Variants in SNAP91 observed in about 807,000 individuals in gnomAD.
The protein encoded by SNAP91 is clathrin coat assembly protein AP180.
SNAP91 carries 27 observed loss-of-function variants against 100.3 expected under a neutral mutation model. That is an observed-to-expected ratio of 0.27 (90% CI 0.20 to 0.37). The LOEUF (loss-of-function observed/expected upper bound fraction) is 0.37, where lower values mean the gene tolerates loss of function less well. Among genes scored for constraint, SNAP91 ranks in the 10% least tolerant of loss-of-function variants. The probability of loss-of-function intolerance (pLI) is 1.00; values close to 1 mark genes in which losing one functional copy is unlikely to be tolerated. For synonymous variants in SNAP91, 404 were observed against 398.6 expected, an observed-to-expected ratio of 1.01 and a Z score of -0.16; for missense variants, 986 against 1,123.7, an observed-to-expected ratio of 0.88 and a Z score of 1.75.
chr6:83,679,420 C>T (rs2128898117), intron 2 of SNAP91, among the ~76,000 whole-genome samples: 1 of 152,298 alleles, frequency 6.6e-6, no homozygotes, highest in African/African-American at 2.4e-5. Context: ...GCTGAGACTA[C>T]ATTTGCTGAT....
At position 83,605,823 on chromosome 6, in the gene SNAP91, T is replaced by A; in HGVS notation, c.1023-20A>T. 2.6e-6 allele frequency: 4 copies of A among 1,510,016 alleles called. No homozygotes were observed. In the South Asian group the frequency reaches 3.8e-5, roughly 14 times the overall value. The allele number at this position is 1,510,016 out of a possible 1,614,324, so 93.5% of individuals were successfully genotyped here. A position where few individuals can be genotyped will look rare whatever the true frequency, so the allele number is the denominator to read the frequency against. On this transcript the variant is annotated intron_variant, in intron 13 of 29. Coordinates refer to ENST00000369694, the MANE Select transcript of SNAP91 (RefSeq NM_001242792.2). Reference sequence around the variant, plus strand: ...GAAGTGCTGAAAGGAAAATAAAACATTAAAATCAGATTTTGAAATTTTATA... The same window carrying A: ...GAAGTGCTGAAAGGAAAATAAAACAATAAAATCAGATTTTGAAATTTTATA...
At chr6:83,635,193 G>GT (rs1396465340) in intron 8 of SNAP91, among the ~76,000 whole-genome samples, 2 of 152,242 alleles carry the variant, frequency 1.3e-5, no homozygotes, top group East Asian at 3.9e-4. Flanking sequence ...TAATTTCTTT[G>GT]TTAGTTTTCT....
At chr6:83,617,283 A>G (rs1002409887) in intron 9 of SNAP91, among the ~76,000 whole-genome samples, 36 of 152,100 alleles carry the variant, frequency 2.4e-4, no homozygotes, top group African/African-American at 8.0e-4. Context: ...TTCAGTGTAG[A>G]GATTACATTG....
At chr6:83,588,920 G>A (rs1253496128) in intron 22 of SNAP91, among the ~76,000 whole-genome samples, 1 of 152,162 alleles carries the variant, frequency 6.6e-6, no homozygotes, top group Non-Finnish European at 1.5e-5. Flanking sequence ...CTACTGTCTG[G>A]TAGGCTTCAA....
intron 16 of SNAP91, among the ~76,000 whole-genome samples, chr6:83,599,992 C>T (rs534148676): frequency 2.0e-5 from 3 of 152,046 alleles, no homozygotes; most frequent in Admixed American, 6.5e-5. Flanking sequence ...ACTATATTGC[C>T]CAGGCTGGTC....
At chr6:83,637,908 G>T in intron 8 of SNAP91, among the ~76,000 whole-genome samples, 1 of 152,188 alleles carries the variant, frequency 6.6e-6, no homozygotes, top group African/African-American at 2.4e-5. Flanking sequence ...TGGCCCCTCG[G>T]GGTTAAGCAC....
chr6:83,693,876 T>C (rs1025294119), intron 2 of SNAP91, among the ~76,000 whole-genome samples: 13 of 152,192 alleles, frequency 8.5e-5, no homozygotes, highest in African/African-American at 2.9e-4. Context: ...GTATCCAGCA[T>C]GGATAAATTG....
chr6:83,652,232 T>A (rs1241469291), intron 7 of SNAP91, among the ~76,000 whole-genome samples: 2 of 152,294 alleles, frequency 1.3e-5, no homozygotes, highest in East Asian at 3.9e-4. Flanking sequence ...GTATCTACCA[T>A]ATTTGTTACT....
chr6:83,610,367 C>G (rs2095925170), intron 12 of SNAP91, among the ~76,000 whole-genome samples: 1 of 151,686 alleles, frequency 6.6e-6, no homozygotes, highest in Non-Finnish European at 1.5e-5. Flanking sequence ...AAGACAGATT[C>G]TATATGCGCT....
intron 2 of SNAP91, among the ~76,000 whole-genome samples, chr6:83,705,962 T>A (rs1279053044): frequency 1.3e-5 from 2 of 152,256 alleles, no homozygotes; most frequent in African/African-American, 4.8e-5. Flanking sequence ...TCAACACCAG[T>A]TCCTATTTCA....
intron 16 of SNAP91, among the ~76,000 whole-genome samples, chr6:83,595,377 T>G (rs2094342534): frequency 6.6e-6 from 1 of 152,220 alleles, no homozygotes; most frequent in African/African-American, 2.4e-5. Flanking sequence ...TATAAGTGTA[T>G]TATTATTTAT....
chr6:83,590,315 T>C (rs2093549790), intron 22 of SNAP91, among the ~76,000 whole-genome samples: 1 of 152,334 alleles, frequency 6.6e-6, no homozygotes, highest in South Asian at 2.1e-4. Flanking sequence ...CTTATGAAAA[T>C]AATAATTTCT....
chr6:83,597,169 C>A lies in SNAP91; in HGVS notation c.1325-2688G>T, dbSNP rs547076110. On this transcript the variant is annotated intron_variant, in intron 16 of 29. Coordinates refer to ENST00000369694, the MANE Select transcript of SNAP91 (RefSeq NM_001242792.2). Reference sequence around the variant, plus strand: ...GAAATTTTCTTAAAGGTAGGAGCTGCAGCTGCTCCCACCCCCAGCTGTTTG... The same window carrying A: ...GAAATTTTCTTAAAGGTAGGAGCTGAAGCTGCTCCCACCCCCAGCTGTTTG... 3.3e-5 allele frequency among the ~76,000 whole-genome samples: 5 copies of A among 152,246 alleles called. No individual in the cohort carries two copies. The East Asian group carries it at 9.7e-4, about 29-fold the overall frequency.
rs1385721548 is a variant in SNAP91 at position 83,656,845 on chromosome 6, T to A, written c.567A>T (p.Thr189=). The change falls in exon 7 of 30, where the codon ACA becomes ACT. Residue 189 remains threonine, a synonymous_variant. Coordinates refer to ENST00000369694, the MANE Select transcript of SNAP91 (RefSeq NM_001242792.2). ...TAAATGCTGCATTTATGACACCATT[T>A]GTTAGTTCATTTGGATGCACCTAGA... ...LEFDVHPNEL[T]NGVINAAFML... 19 of 1,594,556 alleles carry A rather than the reference T, an allele frequency of 1.2e-5. No individual in the cohort carries two copies. Among genetic ancestry groups the A allele is most frequent in the Non-Finnish European group, 1.5e-5 (18 of 1,169,108 alleles).
At chr6:83,705,615 G>A (rs1330271235) in intron 2 of SNAP91, among the ~76,000 whole-genome samples, 1 of 152,012 alleles carries the variant, frequency 6.6e-6, no homozygotes, top group African/African-American at 2.4e-5. Flanking sequence ...GACCAGCCTG[G>A]CCAACATGAA....
intron 8 of SNAP91, among the ~76,000 whole-genome samples, chr6:83,630,508 TAC>T (rs2097162837): frequency 6.6e-6 from 1 of 152,090 alleles, no homozygotes; most frequent in African/African-American, 2.4e-5. Flanking sequence ...ATTTAAAAAT[TAC>T]CATTTCAATC....
At chr6:83,625,186 C>A (rs1404197643) in intron 8 of SNAP91, among the ~76,000 whole-genome samples, 3 of 152,124 alleles carry the variant, frequency 2.0e-5, no homozygotes, top group Non-Finnish European at 4.4e-5. Flanking sequence ...TAATGGCCCC[C>A]AGCTACATTC....
At chr6:83,665,884 A>G (rs2098672727) in intron 2 of SNAP91, among the ~76,000 whole-genome samples, 1 of 152,132 alleles carries the variant, frequency 6.6e-6, no homozygotes, top group Non-Finnish European at 1.5e-5. Flanking sequence ...AACTCCAGGA[A>G]GGCTAAGCCT....
At chr6:83,621,415 A>G (rs2096724015) in intron 9 of SNAP91, among the ~76,000 whole-genome samples, 1 of 152,190 alleles carries the variant, frequency 6.6e-6, no homozygotes, top group African/African-American at 2.4e-5. Context: ...GTGCTAATAG[A>G]TTCTAATGAA....
Sources: gnomAD v4.1 joint callset for allele counts (sites outside exome capture counted in the v4.1 genomes callset) on GRCh38, gnomAD v4.1.1 for gene constraint, MANE v1.5 for transcripts, NCBI Gene and HGNC (gene_info 2026-07-23, HGNC 2026-07-21) for gene names.